ASIC2: variants seen among roughly 807,000 people sequenced by gnomAD.
ASIC2 encodes the protein acid sensing ion channel subunit 2, also known as acid-sensing ion channel 2.
In ASIC2, 25 loss-of-function variants were observed where a neutral mutation model predicts 57.3. The ratio of observed to expected loss-of-function variants is 0.44; its 90% CI spans 0.32 to 0.61. ASIC2 has a LOEUF of 0.61. ASIC2 is among the 20% of genes least tolerant of loss of function. ASIC2 has a pLI of 0.06. For synonymous variants in ASIC2, 319 were observed against 307.5 expected (o/e 1.04, Z -0.39); for missense variants, 641 against 738.1 (o/e 0.87, Z 1.52).
rs536934800 is a variant in ASIC2 at position 33,770,341 on chromosome 17, G to C, written c.555+385637C>G. 1.6e-4 allele frequency among the ~76,000 whole-genome samples: 24 copies of C among 152,354 alleles called. No individual in the cohort carries two copies. In the South Asian group the frequency reaches 2.7e-3, roughly 17 times the overall value. On this transcript the variant is annotated intron_variant, in intron 1 of 9. Transcript: ENST00000359872. ...TAGTGTCTTCCTCTGTAAAGCGAAA[G>C]CTGGCCTCATACAGTTGGTGTAAAC...
chr17:33,217,392 G>GCA (rs1261127174), intron 1 of ASIC2, among the ~76,000 whole-genome samples: 2 of 152,130 alleles, frequency 1.3e-5, no homozygotes, highest in Non-Finnish European at 2.9e-5. Flanking sequence ...TTTGTGAAAT[G>GCA]CACACACACA....
At chr17:33,381,020 A>T (rs1395877143) in intron 1 of ASIC2, among the ~76,000 whole-genome samples, 1 of 152,218 alleles carries the variant, frequency 6.6e-6, no homozygotes, top group African/African-American at 2.4e-5. Context: ...AAGAGCTGGA[A>T]TCTCGGCTCA....
At chr17:33,089,099 A>C in intron 2 of ASIC2, 109 bp from the exon 3 acceptor site, 1 of 1,448,246 alleles carries the variant, frequency 6.9e-7, no homozygotes, top group Non-Finnish European at 9.2e-7. Flanking sequence ...TGATAAGCAG[A>C]ATAATGGCCC....
intron 1 of ASIC2, among the ~76,000 whole-genome samples, chr17:34,066,672 A>G (rs1324535481): frequency 6.6e-6 from 1 of 152,202 alleles, no homozygotes; most frequent in African/African-American, 2.4e-5. Context: ...ATCTATCATG[A>G]TGACAGCTGA....
Position 33,671,213 on chromosome 17 carries a change from C to T in ASIC2, c.555+484765G>A, listed in dbSNP as rs544311260. On this transcript the variant is annotated intron_variant, in intron 1 of 9. Coordinates refer to the ASIC2 transcript ENST00000359872. ...GCCTGCCTTGACCTCCTTTCTTCGT[C>T]TCACATGGCATTCTGTGCTAATTGC... is the stretch of plus-strand genomic sequence containing the variant. 5.9e-5 allele frequency among the ~76,000 whole-genome samples: 9 copies of T among 152,332 alleles called. No individual in the cohort carries two copies. In the East Asian group the frequency reaches 1.5e-3, roughly 26 times the overall value.
intron 1 of ASIC2, among the ~76,000 whole-genome samples, chr17:34,055,227 T>C (rs1908723500): frequency 6.6e-6 from 1 of 152,216 alleles, no homozygotes; most frequent in Non-Finnish European, 1.5e-5. Flanking sequence ...CACGATTCGA[T>C]TTATATGTTA....
intron 1 of ASIC2, among the ~76,000 whole-genome samples, chr17:33,346,638 T>C (rs1472653641): frequency 6.6e-6 from 1 of 152,176 alleles, no homozygotes; most frequent in Non-Finnish European, 1.5e-5. Context: ...CGTGCAAAGA[T>C]ATCAAGCAGG....
intron 1 of ASIC2, among the ~76,000 whole-genome samples, chr17:33,242,885 A>G (rs1321205987): frequency 1.3e-5 from 2 of 152,096 alleles, no homozygotes; most frequent in Admixed American, 1.3e-4. Flanking sequence ...CTGGATCGAG[A>G]GGTGATTGCT....
chr17:33,249,931 A>G (rs1461330213), intron 1 of ASIC2, among the ~76,000 whole-genome samples: 2 of 152,134 alleles, frequency 1.3e-5, no homozygotes, highest in Non-Finnish European at 2.9e-5. Context: ...GTGGTCCCTG[A>G]AAAGTGAGTG....
At chr17:33,898,690 G>A (rs1203930539) in intron 1 of ASIC2, among the ~76,000 whole-genome samples, 1 of 152,080 alleles carries the variant, frequency 6.6e-6, no homozygotes, top group Non-Finnish European at 1.5e-5. Context: ...AATCCAAGAT[G>A]CCACGTGGCA....
At chr17:34,081,640 T>C (rs1414627680) in intron 1 of ASIC2, among the ~76,000 whole-genome samples, 1 of 152,240 alleles carries the variant, frequency 6.6e-6, no homozygotes, top group Admixed American at 6.5e-5. Flanking sequence ...GTTCGTACTC[T>C]CAGCCCTTAA....
intron 1 of ASIC2, among the ~76,000 whole-genome samples, chr17:33,858,193 A>C (rs1914012357): frequency 6.6e-6 from 1 of 152,166 alleles, no homozygotes; most frequent in African/African-American, 2.4e-5. Context: ...TAGGTCACCT[A>C]CCCAGAGGTA....
rs547112927 is a variant in ASIC2, at chr17:33,725,464, T to C, written c.555+430514A>G. ...GGCGTTAGGGTCAGAAGGGCCTGAT[T>C]GTCCGTCCCAGCTCTATTACTTGGT... On this transcript the variant is annotated intron_variant, in intron 1 of 9. Coordinates refer to the ASIC2 transcript ENST00000359872. Among the ~76,000 whole-genome samples, 14 of 152,132 alleles carry C rather than the reference T, an allele frequency of 9.2e-5. 1 individual carries two copies. In the South Asian group the frequency reaches 3.0e-3, roughly 33 times the overall value.
chr17:33,983,612 C>T (rs1042870939), intron 1 of ASIC2, among the ~76,000 whole-genome samples: 10 of 152,176 alleles, frequency 6.6e-5, no homozygotes, highest in Non-Finnish European at 1.5e-4. Flanking sequence ...TGCCAATGTA[C>T]CATGAGGCAA....
intron 1 of ASIC2, among the ~76,000 whole-genome samples, chr17:33,609,187 C>T (rs557316470): frequency 1.2e-4 from 18 of 152,154 alleles, no homozygotes; most frequent in Non-Finnish European, 2.5e-4. Flanking sequence ...CTCTTAGTTC[C>T]CTCCAATCCA....
intron 1 of ASIC2, among the ~76,000 whole-genome samples, chr17:33,912,137 C>CAAA (rs34408257): frequency 2.4e-4 from 12 of 49,424 alleles, no homozygotes; most frequent in East Asian, 7.5e-4. Context: ...GAGACTCCGT[C>CAAA]AAAAAAAAAA....
At chr17:33,336,026 C>T (rs1907501160) in intron 1 of ASIC2, among the ~76,000 whole-genome samples, 1 of 152,120 alleles carries the variant, frequency 6.6e-6, no homozygotes, top group African/African-American at 2.4e-5. Context: ...TCAGCAACCC[C>T]AATCCTGTGG....
rs556563070 is a variant in ASIC2, at chr17:33,346,929, A to G, written c.556-234862T>C. Among the ~76,000 whole-genome samples, 19 of 152,284 alleles carry G rather than the reference A, an allele frequency of 1.2e-4. No individual in the cohort carries two copies. In the East Asian group the frequency reaches 1.4e-3, roughly 11 times the overall value. ...CCAGGAAAGAGCAATAGGAGGGGGAAATGTGGACAGTACAGACACCTTTTC... is the reference window on the plus strand; with the variant it reads ...CCAGGAAAGAGCAATAGGAGGGGGAGATGTGGACAGTACAGACACCTTTTC... On this transcript the variant is annotated intron_variant, in intron 1 of 9. Transcript: ENST00000359872.
intron 1 of ASIC2, among the ~76,000 whole-genome samples, chr17:34,058,839 A>G (rs1390260029): frequency 6.6e-6 from 1 of 152,208 alleles, no homozygotes; most frequent in African/African-American, 2.4e-5. Flanking sequence ...CGCACTAAGC[A>G]TGTCATTTTG....
Sources: allele counts gnomAD v4.1 joint callset (sites outside exome capture counted in the v4.1 genomes callset), GRCh38; gene constraint gnomAD v4.1.1; transcripts MANE v1.5; gene names NCBI Gene and HGNC (gene_info 2026-07-23, HGNC 2026-07-21).